The following VTI1A variants were observed in gnomAD, a reference collection of about 807,000 sequenced individuals.
The protein encoded by VTI1A is vesicle transport through interaction with t-SNAREs homolog 1A.
A neutral mutation model predicts 34.9 loss-of-function variants in VTI1A; 22 were observed. That is an observed-to-expected ratio of 0.63 (90% CI 0.45 to 0.90). The LOEUF is 0.90. VTI1A is among the 40% of genes least tolerant of loss of function. The pLI, the probability that VTI1A is intolerant of heterozygous loss-of-function variation, is 0.00. For synonymous variants in VTI1A, 87 were observed against 97.3 expected, an observed-to-expected ratio of 0.89 and a Z score of 0.62; for missense variants, 268 against 275.6, an observed-to-expected ratio of 0.97 and a Z score of 0.20.
rs928498395 is a variant in VTI1A, at chr10:112,816,578, G to C, written c.*1195G>C. The C allele has an allele frequency of 4.4e-6, 1 of 225,358 alleles. No homozygotes were observed. Among genetic ancestry groups the C allele is most frequent in the Non-Finnish European group, 8.8e-6 (1 of 113,246 alleles). The allele number at this position is 225,358 out of a possible 1,614,324, so 14.0% of individuals were successfully genotyped here. A position where few individuals can be genotyped will look rare whatever the true frequency, so the allele number is the denominator to read the frequency against. ...TCTGTCTGAGGTAACCAGGAATTGCGTTCAAAATGAGCTCATTTGTGATCA... is the reference window on the plus strand; with the variant it reads ...TCTGTCTGAGGTAACCAGGAATTGCCTTCAAAATGAGCTCATTTGTGATCA... On this transcript the variant is annotated 3_prime_UTR_variant, in exon 8 of 8. Coordinates refer to ENST00000393077, the MANE Select transcript of VTI1A (RefSeq NM_145206.4).
At position 112,811,711 on chromosome 10, in the gene VTI1A, A is replaced by AT. The variant is rs1554965461; in HGVS notation, c.561-3579_561-3578insT. 1.5e-4 allele frequency among the ~76,000 whole-genome samples: 18 copies of AT among 117,482 alleles called. 4 individuals are homozygous for AT. The highest frequency in any genetic ancestry group is 1.2e-3 in the South Asian group (4 of 3,344). 77.1% of individuals were successfully genotyped at this position (117,482 alleles called of 152,430 possible). ...AAAAAAAAAAAAAAAAAAAAAAAAA[A>AT]AGAGTGCAGTCCATGCCTGGAAGTA... On this transcript the variant is annotated intron_variant, in intron 7 of 7. Coordinates refer to ENST00000393077, the MANE Select transcript of VTI1A (RefSeq NM_145206.4).
At chr10:112,777,406 C>A (rs1206055918) in intron 7 of VTI1A, among the ~76,000 whole-genome samples, 1 of 152,176 alleles carries the variant, frequency 6.6e-6, no homozygotes, top group East Asian at 1.9e-4. Flanking sequence ...ACCAACAAAT[C>A]AGTGCCATCT....
intron 4 of VTI1A, among the ~76,000 whole-genome samples, chr10:112,528,701 G>A (rs917432384): frequency 2.0e-4 from 30 of 151,638 alleles, no homozygotes; most frequent in African/African-American, 7.3e-4. Flanking sequence ...TATCTTTTTT[G>A]CAAAAAAGTG....
chr10:112,834,441 G>C, the VTI1A span, among the ~76,000 whole-genome samples: 1 of 152,178 alleles, frequency 6.6e-6, no homozygotes, highest in African/African-American at 2.4e-5. Flanking sequence ...AGTCAGATGG[G>C]ATGCTTCCCA....
At chr10:112,517,933 AG>A (rs1400280625) in intron 3 of VTI1A, among the ~76,000 whole-genome samples, 1 of 152,140 alleles carries the variant, frequency 6.6e-6, no homozygotes, top group Non-Finnish European at 1.5e-5. Context: ...TCTGAAAAAA[AG>A]GATGACTTTA....
At chr10:112,521,358 G>A (rs1206786897) in intron 3 of VTI1A, among the ~76,000 whole-genome samples, 1 of 151,926 alleles carries the variant, frequency 6.6e-6, no homozygotes, top group Admixed American at 6.6e-5. Flanking sequence ...GCCATTTTTG[G>A]TATGTATTAG....
intron 5 of VTI1A, among the ~76,000 whole-genome samples, chr10:112,614,876 T>C (rs556603360): frequency 6.6e-6 from 1 of 152,162 alleles, no homozygotes; most frequent in Non-Finnish European, 1.5e-5. Flanking sequence ...GTTTCACAGA[T>C]GAGAATAGGG....
chr10:112,571,243 C>T (rs1294085894), intron 5 of VTI1A, among the ~76,000 whole-genome samples: 3 of 152,144 alleles, frequency 2.0e-5, no homozygotes, highest in Non-Finnish European at 4.4e-5. Context: ...AATATCTTCC[C>T]ATCTTGTCTA....
At chr10:112,447,926 A>G (rs564103323) in intron 1 of VTI1A, among the ~76,000 whole-genome samples, 33 of 152,226 alleles carry the variant, frequency 2.2e-4, no homozygotes, top group Middle Eastern at 6.8e-3. Flanking sequence ...TTCAAATCCT[A>G]CCTCTGTCAC....
intron 5 of VTI1A, among the ~76,000 whole-genome samples, chr10:112,599,826 G>T (rs971826435): frequency 3.9e-5 from 6 of 152,124 alleles, no homozygotes; most frequent in African/African-American, 1.4e-4. Context: ...GGATGATCTT[G>T]CCTCGGCTTC....
At chr10:112,457,865 G>T (rs150222368) in intron 1 of VTI1A, among the ~76,000 whole-genome samples, 380 of 152,280 alleles carry the variant, frequency 2.5e-3, no homozygotes, top group Non-Finnish European at 4.1e-3. Context: ...GGAGCCAGTA[G>T]AGGAGAAAGT....
At chr10:112,477,194 A>T (rs1244335181) in intron 3 of VTI1A, among the ~76,000 whole-genome samples, 1 of 152,214 alleles carries the variant, frequency 6.6e-6, no homozygotes, top group South Asian at 2.1e-4. Flanking sequence ...TTTAGTTCCC[A>T]AAACTGGATG....
intron 5 of VTI1A, among the ~76,000 whole-genome samples, chr10:112,631,402 G>A (rs1172987680): frequency 6.6e-6 from 1 of 151,982 alleles, no homozygotes; most frequent in Non-Finnish European, 1.5e-5. Context: ...CCCCATCCTC[G>A]TTAGGCAGTT....
intron 5 of VTI1A, among the ~76,000 whole-genome samples, chr10:112,610,455 C>A (rs1043891654): frequency 2.6e-5 from 4 of 152,118 alleles, no homozygotes; most frequent in Admixed American, 1.3e-4. Flanking sequence ...TTGAAATCAT[C>A]CAGTCCAATT....
At chr10:112,593,829 C>T (rs1013737254) in intron 5 of VTI1A, among the ~76,000 whole-genome samples, 1 of 152,146 alleles carries the variant, frequency 6.6e-6, no homozygotes, top group African/African-American at 2.4e-5. Flanking sequence ...CTTCGCCTCC[C>T]GGGCTCACGC....
intron 7 of VTI1A, among the ~76,000 whole-genome samples, chr10:112,786,083 A>G (rs1053738596): frequency 1.3e-5 from 2 of 152,202 alleles, no homozygotes; most frequent in African/African-American, 4.8e-5. Context: ...GAATCATCCA[A>G]TTCATGAATG....
chr10:112,768,461 A>T (rs1851709397), intron 7 of VTI1A, among the ~76,000 whole-genome samples: 1 of 152,158 alleles, frequency 6.6e-6, no homozygotes, highest in Non-Finnish European at 1.5e-5. Context: ...GGTCCACGGG[A>T]ACATTTGGTA....
intron 5 of VTI1A, among the ~76,000 whole-genome samples, chr10:112,655,054 G>A (rs1315514332): frequency 6.6e-6 from 1 of 152,116 alleles, no homozygotes; most frequent in Admixed American, 6.5e-5. Flanking sequence ...GTAAAACAGT[G>A]GTTCTCAAAA....
intron 5 of VTI1A, among the ~76,000 whole-genome samples, chr10:112,607,199 A>G (rs541729430): frequency 6.6e-6 from 1 of 152,072 alleles, no homozygotes; most frequent in South Asian, 2.1e-4. Context: ...AGGCAGGAGA[A>G]TCACTTGAAC....
Sources: gnomAD v4.1 joint callset for allele counts (sites outside exome capture counted in the v4.1 genomes callset) on GRCh38, gnomAD v4.1.1 for gene constraint, MANE v1.5 for transcripts, NCBI Gene and HGNC (gene_info 2026-07-23, HGNC 2026-07-21) for gene names.